The following CPNE4 variants were observed in gnomAD, a reference collection of about 807,000 sequenced individuals.
CPNE4 encodes copine-4.
In CPNE4, 25 loss-of-function variants were observed where a neutral mutation model predicts 67.9. The observed-to-expected ratio is 0.37, with a 90% CI of 0.27 to 0.51. The LOEUF is 0.51. Ranked by LOEUF, CPNE4 falls within the 20% of genes least tolerant of loss-of-function variation. The pLI, the probability that CPNE4 is intolerant of heterozygous loss-of-function variation, is 0.93. For synonymous variants in CPNE4, 242 were observed against 244.9 expected, an observed-to-expected ratio of 0.99 and a Z score of 0.11; for missense variants, 464 against 690.8, an observed-to-expected ratio of 0.67 and a Z score of 3.68.
intron 1 of CPNE4, 37 bp from the exon 2 acceptor site, chr3:131,905,481 C>T: frequency 6.5e-7 from 1 of 1,550,224 alleles, no homozygotes; most frequent in Non-Finnish European, 8.8e-7. Flanking sequence ...AAAGAAGTGC[C>T]AATCACTGCA....
intron 2 of CPNE4, among the ~76,000 whole-genome samples, chr3:131,884,050 G>C (rs952565372): frequency 6.6e-6 from 1 of 151,960 alleles, no homozygotes; most frequent in African/African-American, 2.4e-5. Context: ...CTTTATTTTT[G>C]TTTCACTTAC....
intron 1 of CPNE4, among the ~76,000 whole-genome samples, chr3:131,931,600 A>G (rs2071061462): frequency 6.6e-6 from 1 of 152,168 alleles, no homozygotes; most frequent in Admixed American, 6.5e-5. Flanking sequence ...GACAAAAAAT[A>G]GAGTCTTCCC....
chr3:131,554,539 AAAG>A (rs1187297223), intron 12 of CPNE4, among the ~76,000 whole-genome samples: 2 of 152,090 alleles, frequency 1.3e-5, no homozygotes, highest in Admixed American at 1.3e-4. Context: ...ACAAGGCAAG[AAAG>A]AAGGAGAACA....
At chr3:131,862,642 C>G (rs995670629) in intron 2 of CPNE4, among the ~76,000 whole-genome samples, 1 of 151,914 alleles carries the variant, frequency 6.6e-6, no homozygotes, top group Non-Finnish European at 1.5e-5. Flanking sequence ...TAGGCCTCAT[C>G]TCCCGTCCGA....
intron 7 of CPNE4, among the ~76,000 whole-genome samples, chr3:131,648,024 G>A (rs2079710237): frequency 6.6e-6 from 1 of 152,070 alleles, no homozygotes; most frequent in Non-Finnish European, 1.5e-5. Flanking sequence ...CCCATCCCAG[G>A]ATAGGTGCTC....
chr3:131,610,225 A>G lies in CPNE4; in HGVS notation c.682-22643T>C, dbSNP rs1939755192. Among the ~76,000 whole-genome samples the G allele has an allele frequency of 2.0e-5, 3 of 152,220 alleles. No individual in the cohort carries two copies. The South Asian group carries it at 6.2e-4, about 31-fold the overall frequency. Reference sequence around the variant, plus strand: ...TTGCTTTTTCCATCACAAAGCCTATAATCTAGCAAGAAACACAGATAAGTA... The same window carrying G: ...TTGCTTTTTCCATCACAAAGCCTATGATCTAGCAAGAAACACAGATAAGTA... On this transcript the variant is annotated intron_variant, in intron 7 of 15. Coordinates refer to ENST00000429747, the MANE Select transcript of CPNE4 (RefSeq NM_130808.3).
chr3:131,765,884 G>A (rs1187717811), intron 2 of CPNE4, among the ~76,000 whole-genome samples: 2 of 151,962 alleles, frequency 1.3e-5, no homozygotes, highest in African/African-American at 4.8e-5. Context: ...CTGACTATTG[G>A]GACCAAATGG....
intron 7 of CPNE4, among the ~76,000 whole-genome samples, chr3:131,622,607 A>G (rs1314102291): frequency 6.6e-6 from 1 of 152,214 alleles, no homozygotes; most frequent in Non-Finnish European, 1.5e-5. Context: ...AAACTTGTTT[A>G]ATATATGGGT....
At chr3:131,847,986 C>T (rs1018719465) in intron 2 of CPNE4, among the ~76,000 whole-genome samples, 33 of 152,138 alleles carry the variant, frequency 2.2e-4, no homozygotes, top group African/African-American at 8.0e-4. Flanking sequence ...CCTAAACACT[C>T]TTCTTCTTCA....
intron 1 of CPNE4, among the ~76,000 whole-genome samples, chr3:132,004,124 C>A (rs191032783): frequency 2.0e-5 from 3 of 152,018 alleles, no homozygotes; most frequent in African/African-American, 7.2e-5. Flanking sequence ...GGCAACAAAG[C>A]AGGTAAGTAA....
chr3:132,034,412 G>A (rs1014463038), intron 1 of CPNE4, among the ~76,000 whole-genome samples, 155 bp downstream of exon 1: 2 of 152,226 alleles, frequency 1.3e-5, no homozygotes, highest in Admixed American at 6.5e-5. Flanking sequence ...GTTGCTTGCT[G>A]CTGCTTTTTA....
intron 1 of CPNE4, among the ~76,000 whole-genome samples, chr3:132,026,335 C>T (rs1443597771): frequency 6.6e-6 from 1 of 152,172 alleles, no homozygotes. Flanking sequence ...ATGGTCATAT[C>T]TATGAATAAC....
chr3:131,789,002 C>G (rs1345113331), intron 2 of CPNE4, among the ~76,000 whole-genome samples: 1 of 96,302 alleles, frequency 1.0e-5, no homozygotes, highest in African/African-American at 3.7e-5. Flanking sequence ...GAGAACTCAA[C>G]CAGACACACA....
At position 131,917,560 on chromosome 3, in the gene CPNE4, GCT is replaced by G. The variant is rs113280712; in HGVS notation, c.-1-12118_-1-12117del. 8.3e-3 allele frequency among the ~76,000 whole-genome samples: 1,234 copies of G among 148,008 alleles called. 18 individuals carry two copies. Among genetic ancestry groups the G allele is most frequent in the African/African-American group, 0.027 (1,096 of 40,472 alleles). The stretch of plus-strand genomic sequence containing the variant: ...ACACACACCAAATTCATATGTTCTT[GCT>G]CTCTCTCTCTCTCTCTCTCACTCTT... On this transcript the variant is annotated intron_variant, in intron 1 of 15. Coordinates refer to ENST00000429747, the MANE Select transcript of CPNE4 (RefSeq NM_130808.3).
At chr3:131,776,246 C>A (rs1327426535) in intron 2 of CPNE4, among the ~76,000 whole-genome samples, 1 of 98,562 alleles carries the variant, frequency 1.0e-5, no homozygotes, top group African/African-American at 2.7e-5. Flanking sequence ...TTGTTATGGA[C>A]CTGATGTCAA....
intron 1 of CPNE4, among the ~76,000 whole-genome samples, chr3:131,973,418 G>T (rs1184097067): frequency 6.6e-6 from 1 of 152,108 alleles, no homozygotes; most frequent in East Asian, 1.9e-4. Flanking sequence ...ATGTGATGAT[G>T]ATGATATCTG....
chr3:131,726,587 C>G lies in CPNE4; in HGVS notation c.181-2962G>C, dbSNP rs185033310. On this transcript the variant is annotated intron_variant, in intron 2 of 15. Coordinates refer to ENST00000429747, the MANE Select transcript of CPNE4 (RefSeq NM_130808.3). Reference sequence around the variant, plus strand: ...GAAGATGCATTATTTTTTTCTGGTGCCTAATCCAGGTTTCACATGAGCAAC... The same window carrying G: ...GAAGATGCATTATTTTTTTCTGGTGGCTAATCCAGGTTTCACATGAGCAAC... Among the ~76,000 whole-genome samples, 32 of 151,996 alleles carry G rather than the reference C, an allele frequency of 2.1e-4. No homozygotes were observed. In the East Asian group the frequency reaches 6.0e-3, roughly 28 times the overall value.
Position 131,743,876 on chromosome 3 carries a change from T to C in CPNE4, c.181-20251A>G, listed in dbSNP as rs923355828. 4.4e-5 allele frequency among the ~76,000 whole-genome samples: 6 copies of C among 137,744 alleles called. No individual in the cohort carries two copies. The South Asian group carries it at 1.2e-3, about 27-fold the overall frequency. The allele number at this position is 137,744 out of a possible 152,430, so 90.4% of individuals were successfully genotyped here. On this transcript the variant is annotated intron_variant, in intron 2 of 15. Coordinates refer to ENST00000429747, the MANE Select transcript of CPNE4 (RefSeq NM_130808.3). ...TACTCGGGAGGCTGAGGCAGGAGAA[T>C]GGCGTGAACCCGGGAGGCGGAGCTT...
chr3:131,807,012 G>A (rs1272207043), intron 2 of CPNE4, among the ~76,000 whole-genome samples: 2 of 152,162 alleles, frequency 1.3e-5, no homozygotes, highest in South Asian at 2.1e-4. Flanking sequence ...GAAAGAGAAA[G>A]GTATGCATAA....
Sources: gnomAD v4.1 joint callset for allele counts (sites outside exome capture counted in the v4.1 genomes callset) on GRCh38, gnomAD v4.1.1 for gene constraint, MANE v1.5 for transcripts, NCBI Gene and HGNC (gene_info 2026-07-23, HGNC 2026-07-21) for gene names.